The following ATOSA variants were observed in gnomAD, a reference collection of about 807,000 sequenced individuals.
ATOSA encodes the protein atos homolog protein A.
chr15:52,703,419 A>C, the ATOSA span, among the ~76,000 whole-genome samples: 1 of 152,214 alleles, frequency 6.6e-6, no homozygotes, highest in Non-Finnish European at 1.5e-5. Flanking sequence ...ATTACAAATT[A>C]AATTACCCTA....
chr15:52,611,445 C>A, the ATOSA span: 1 of 1,192,164 alleles, frequency 8.4e-7, no homozygotes, highest in Non-Finnish European at 1.2e-6. Flanking sequence ...ATTTTAGTGC[C>A]AAATATAAAT....
At chr15:52,596,651 A>G in the ATOSA span, among the ~76,000 whole-genome samples, 1 of 152,242 alleles carries the variant, frequency 6.6e-6, no homozygotes, top group Non-Finnish European at 1.5e-5. Flanking sequence ...TGGGGGTACT[A>G]TTGGAATCAA....
At chr15:52,679,935 G>C in the ATOSA span, among the ~76,000 whole-genome samples, 1 of 151,392 alleles carries the variant, frequency 6.6e-6, no homozygotes, top group Non-Finnish European at 1.5e-5. Context: ...GGGGTGGGCA[G>C]CTATGCGGGT....
the ATOSA span, among the ~76,000 whole-genome samples, chr15:52,650,155 T>C: frequency 6.6e-6 from 1 of 152,174 alleles, no homozygotes; most frequent in Non-Finnish European, 1.5e-5. Flanking sequence ...AGATTGACTT[T>C]CATGTGGTTA....
the ATOSA span, among the ~76,000 whole-genome samples, chr15:52,685,388 CT>C: frequency 6.6e-6 from 1 of 151,758 alleles, no homozygotes; most frequent in African/African-American, 2.4e-5. Flanking sequence ...GTGAACAACC[CT>C]TCTGAAAACA....
chr15:52,585,943 A>G, the ATOSA span: 2 of 152,230 alleles, frequency 1.3e-5, no homozygotes, highest in African/African-American at 4.8e-5. Context: ...ACATTCAACA[A>G]CCACACCTCA....
chr15:52,653,436 C>A, the ATOSA span, among the ~76,000 whole-genome samples: 2 of 152,186 alleles, frequency 1.3e-5, no homozygotes, highest in East Asian at 3.9e-4. Context: ...AGAATCTGAT[C>A]ACCGGTTCCA....
At chr15:52,592,528 C>A in the ATOSA span, among the ~76,000 whole-genome samples, 1 of 152,144 alleles carries the variant, frequency 6.6e-6, no homozygotes, top group Non-Finnish European at 1.5e-5. Context: ...AAGGTGAAAT[C>A]ATAAGATTGA....
the ATOSA span, among the ~76,000 whole-genome samples, chr15:52,709,545 A>G: frequency 6.6e-6 from 1 of 152,134 alleles, no homozygotes; most frequent in Admixed American, 6.5e-5. Context: ...TTTCACTTGT[A>G]TGTTCCCAAG....
chr15:52,648,100 A>G, the ATOSA span, among the ~76,000 whole-genome samples: 12 of 152,186 alleles, frequency 7.9e-5, no homozygotes, highest in African/African-American at 2.9e-4. Flanking sequence ...TTAACGTAGA[A>G]TAACTTTAAA....
chr15:52,609,388 T>A, the ATOSA span: 1 of 1,613,928 alleles, frequency 6.2e-7, no homozygotes, highest in Non-Finnish European at 8.5e-7. Context: ...GTCATGCATG[T>A]TGAATGACTG....
the ATOSA span, chr15:52,655,977 A>T: frequency 1.3e-5 from 2 of 152,168 alleles, no homozygotes; most frequent in Non-Finnish European, 2.9e-5. Context: ...CTTTGCAGAC[A>T]TCAGGTCTAC....
chr15:52,595,928 C>T, the ATOSA span, among the ~76,000 whole-genome samples: 1 of 152,026 alleles, frequency 6.6e-6, no homozygotes, highest in Non-Finnish European at 1.5e-5. Flanking sequence ...TGTGCAAACA[C>T]AGCAGGGCCC....
chr15:52,664,132 A>C, the ATOSA span, among the ~76,000 whole-genome samples: 2 of 152,306 alleles, frequency 1.3e-5, no homozygotes, highest in African/African-American at 4.8e-5. Flanking sequence ...CCTTGTGCTC[A>C]GTCCTTACTA....
chr15:52,605,149 G>A, the ATOSA span: 4 of 1,608,570 alleles, frequency 2.5e-6, no homozygotes, highest in Non-Finnish European at 3.4e-6. Flanking sequence ...TGAAAGAAGA[G>A]GCAATCCAGT....
At chr15:52,707,289 T>C in the ATOSA span, among the ~76,000 whole-genome samples, 1 of 152,126 alleles carries the variant, frequency 6.6e-6, no homozygotes, top group Non-Finnish European at 1.5e-5. Context: ...AAGGAACAAG[T>C]AGTAAATACA....
the ATOSA span, chr15:52,658,696 T>G: frequency 2.6e-6 from 1 of 389,940 alleles, no homozygotes; most frequent in African/African-American, 2.1e-5. Flanking sequence ...CCAGGCATGG[T>G]GGCTCATGCT....
chr15:52,703,417 T>A, the ATOSA span, among the ~76,000 whole-genome samples: 6 of 152,168 alleles, frequency 3.9e-5, no homozygotes, highest in African/African-American at 1.4e-4. Context: ...AAATTACAAA[T>A]TAAATTACCC....
the ATOSA span, among the ~76,000 whole-genome samples, chr15:52,596,018 G>A: frequency 6.6e-6 from 1 of 152,124 alleles, no homozygotes; most frequent in Non-Finnish European, 1.5e-5. Context: ...GGAGGCTGAG[G>A]TGGGATGAAT....
Sources: allele counts gnomAD v4.1 joint callset (sites outside exome capture counted in the v4.1 genomes callset), GRCh38; gene constraint gnomAD v4.1.1; transcripts MANE v1.5; gene names NCBI Gene and HGNC (gene_info 2026-07-23, HGNC 2026-07-21).